MAN1A2: variants seen among roughly 807,000 people sequenced by gnomAD.
The protein encoded by MAN1A2 is mannosidase alpha class 1A member 2.
Under a neutral mutation model 75.7 loss-of-function variants are expected in MAN1A2, and 26 were observed. The ratio of observed to expected loss-of-function variants is 0.34; its 90% CI spans 0.25 to 0.48. The LOEUF is 0.48. Among genes scored for constraint, MAN1A2 ranks in the 20% least tolerant of loss-of-function variants. The probability of loss-of-function intolerance (pLI) is 0.99; values close to 1 mark genes in which losing one functional copy is unlikely to be tolerated. For missense variants in MAN1A2, 562 were observed against 775.5 expected (o/e 0.72, Z 3.27); for synonymous variants, 247 against 264.6 (o/e 0.93, Z 0.65).
chr1:117,438,792 G>A (rs1351019639), intron 5 of MAN1A2, among the ~76,000 whole-genome samples: 1 of 152,156 alleles, frequency 6.6e-6, no homozygotes, highest in Admixed American at 6.5e-5. Context: ...TAACCTAGAT[G>A]TGTGGTAGGC....
At chr1:117,447,686 ATTTAT>A (rs1250682774) in intron 6 of MAN1A2, among the ~76,000 whole-genome samples, 1 of 152,146 alleles carries the variant, frequency 6.6e-6, no homozygotes, top group East Asian at 1.9e-4. Flanking sequence ...GTGAGATTGA[ATTTAT>A]TTTATTCAGT....
chr1:117,396,937 T>G (rs899727834), intron 1 of MAN1A2, among the ~76,000 whole-genome samples: 61 of 147,944 alleles, frequency 4.1e-4, no homozygotes, highest in African/African-American at 1.2e-3. Flanking sequence ...TCATAGAGGT[T>G]TTTTTTTTTT....
At chr1:117,449,909 T>A (rs912352992) in intron 6 of MAN1A2, among the ~76,000 whole-genome samples, 12 of 152,192 alleles carry the variant, frequency 7.9e-5, no homozygotes, top group African/African-American at 2.7e-4. Flanking sequence ...AGTTTGAGGC[T>A]TGCAGAGGTT....
intron 12 of MAN1A2, among the ~76,000 whole-genome samples, chr1:117,517,375 A>G (rs1651743409): frequency 6.6e-6 from 1 of 152,194 alleles, no homozygotes; most frequent in South Asian, 2.1e-4. Context: ...TAGAATTAGT[A>G]GACAATGACA....
chr1:117,509,439 G>A (rs1651465528), intron 12 of MAN1A2, among the ~76,000 whole-genome samples: 1 of 151,942 alleles, frequency 6.6e-6, no homozygotes, highest in African/African-American at 2.4e-5. Flanking sequence ...TACACTGGAA[G>A]TATATTCTTT....
intron 12 of MAN1A2, among the ~76,000 whole-genome samples, chr1:117,522,576 C>A (rs574118103): frequency 5.3e-5 from 8 of 151,830 alleles, no homozygotes; most frequent in Admixed American, 5.3e-4. Context: ...CACACCTGGC[C>A]GGATTTTTTT....
At chr1:117,422,308 T>A (rs564356398) in intron 5 of MAN1A2, among the ~76,000 whole-genome samples, 1 of 152,222 alleles carries the variant, frequency 6.6e-6, no homozygotes, top group South Asian at 2.1e-4. Context: ...GATTTATCCA[T>A]GTATTAGTAG....
At chr1:117,474,872 A>T (rs905306054) in intron 8 of MAN1A2, among the ~76,000 whole-genome samples, 5 of 151,840 alleles carry the variant, frequency 3.3e-5, no homozygotes, top group African/African-American at 1.2e-4. Context: ...CCCCTCCCCC[A>T]AAACAACTAC....
chr1:117,493,100 C>T, intron 8 of MAN1A2, 47 bp from the exon 9 acceptor site: 1 of 1,000,766 alleles, frequency 1.0e-6, no homozygotes, highest in Non-Finnish European at 1.6e-6. Flanking sequence ...TTTGTCTTGT[C>T]TTCCCTTGCC....
At chr1:117,474,434 C>T (rs1469464095) in intron 8 of MAN1A2, among the ~76,000 whole-genome samples, 1 of 151,036 alleles carries the variant, frequency 6.6e-6, no homozygotes, top group Non-Finnish European at 1.5e-5. Context: ...CTTTACTCTC[C>T]TTAAGTTTTC....
At chr1:117,452,400 C>G (rs1184287578) in intron 6 of MAN1A2, among the ~76,000 whole-genome samples, 1 of 152,010 alleles carries the variant, frequency 6.6e-6, no homozygotes, top group Non-Finnish European at 1.5e-5. Context: ...AAAACTAGGC[C>G]TCTTGTGCCA....
intron 12 of MAN1A2, among the ~76,000 whole-genome samples, chr1:117,510,721 A>G (rs1651510731): frequency 6.6e-6 from 1 of 152,098 alleles, no homozygotes; most frequent in African/African-American, 2.4e-5. Context: ...GTTTGTTGTT[A>G]AGTGCCTGAT....
In MAN1A2 at chr1:117,414,786, C is replaced by T. The variant is rs761694167; in HGVS notation, c.729C>T (p.Phe243=). 11 of 1,609,578 alleles carry T rather than the reference C, an allele frequency of 6.8e-6. No homozygotes were observed. ...ATATCATGGGACTTCATGATGAATT[C>T]CTAGATGGGCAAAGATGGATTGAAG... The part of the protein sequence containing the change: ...TLYIMGLHDE[F]LDGQRWIEDN... The change falls in exon 4 of 13, where the codon TTC becomes TTT. Residue 243 remains phenylalanine (F), a synonymous_variant. Transcript: ENST00000356554.
At chr1:117,390,152 A>G (rs1570703852) in intron 1 of MAN1A2, among the ~76,000 whole-genome samples, 1 of 152,200 alleles carries the variant, frequency 6.6e-6, no homozygotes, top group South Asian at 2.1e-4. Context: ...TGTTGGCCCC[A>G]TGAAATGAGT....
At chr1:117,479,055 A>G (rs1471278486) in intron 8 of MAN1A2, among the ~76,000 whole-genome samples, 2 of 151,682 alleles carry the variant, frequency 1.3e-5, no homozygotes, top group South Asian at 2.1e-4. Flanking sequence ...TCCATGAGGT[A>G]TTCTTCCTGA....
intron 1 of MAN1A2, among the ~76,000 whole-genome samples, chr1:117,378,265 A>G (rs1316428248): frequency 6.6e-6 from 1 of 152,138 alleles, no homozygotes; most frequent in Admixed American, 6.5e-5. Context: ...AAATTCCTAT[A>G]CTGAGTTGGA....
chr1:117,447,650 T>A (rs1448034722), intron 6 of MAN1A2, among the ~76,000 whole-genome samples: 1 of 152,206 alleles, frequency 6.6e-6, no homozygotes, highest in East Asian at 1.9e-4. Flanking sequence ...ATATAAAATC[T>A]TGTTCCAATG....
intron 7 of MAN1A2, among the ~76,000 whole-genome samples, chr1:117,465,067 T>C (rs1649941098): frequency 6.6e-6 from 1 of 152,086 alleles, no homozygotes; most frequent in Non-Finnish European, 1.5e-5. Flanking sequence ...TAAACAGAGA[T>C]ACAAGAGCTC....
intron 1 of MAN1A2, among the ~76,000 whole-genome samples, chr1:117,389,167 A>AAG (rs1261644391): frequency 6.6e-6 from 1 of 152,258 alleles, no homozygotes; most frequent in Non-Finnish European, 1.5e-5. Flanking sequence ...AGCTAAAAGA[A>AAG]AGAACGAGTT....
Sources: gnomAD v4.1 joint callset for allele counts (sites outside exome capture counted in the v4.1 genomes callset) on GRCh38, gnomAD v4.1.1 for gene constraint, MANE v1.5 for transcripts, NCBI Gene and HGNC (gene_info 2026-07-23, HGNC 2026-07-21) for gene names.